IP6K1: variants seen among roughly 807,000 people sequenced by gnomAD.
IP6K1 encodes the protein ATP:1D-myo-inositol-hexakisphosphate phosphotransferase.
In IP6K1, 13 loss-of-function variants were observed where a neutral mutation model predicts 38.3. The observed-to-expected ratio is 0.34, with a 90% confidence interval of 0.22 to 0.54. The LOEUF (loss-of-function observed/expected upper bound fraction) is 0.54. Among genes scored for constraint, IP6K1 ranks in the 20% least tolerant of loss-of-function variants. The probability of loss-of-function intolerance (pLI) is 0.92; values close to 1 mark genes in which losing one functional copy is unlikely to be tolerated. For missense variants in IP6K1, 397 were observed against 599.8 expected (o/e 0.66, Z 3.53); for synonymous variants, 212 against 229.9 (o/e 0.92, Z 0.70).
intron 1 of IP6K1, among the ~76,000 whole-genome samples, chr3:49,764,900 A>G (rs1330255163): frequency 6.6e-6 from 1 of 151,936 alleles, no homozygotes; most frequent in Non-Finnish European, 1.5e-5. Context: ...AAGAATCCCA[A>G]TGAACCCAAA....
chr3:49,763,229 C>G (rs2080882119), intron 1 of IP6K1, among the ~76,000 whole-genome samples: 1 of 151,620 alleles, frequency 6.6e-6, no homozygotes, highest in Admixed American at 6.6e-5. Context: ...TAAGCCTCCC[C>G]AGCAGCTGGG....
intron 2 of IP6K1, among the ~76,000 whole-genome samples, chr3:49,746,612 T>C (rs1575312604): frequency 6.9e-6 from 1 of 145,450 alleles, no homozygotes; most frequent in South Asian, 2.2e-4. Flanking sequence ...GAGTTGGAGG[T>C]TGCAGTAAAC....
chr3:49,732,649 C>T (rs952611647), intron 4 of IP6K1, 142 bp downstream of exon 4: 9 of 607,670 alleles, frequency 1.5e-5, no homozygotes, highest in Admixed American at 6.9e-5. Context: ...TGAAAGTAAA[C>T]GAAGGAAGAG....
chr3:49,744,593 T>C (rs1411504126), intron 2 of IP6K1, among the ~76,000 whole-genome samples: 1 of 152,136 alleles, frequency 6.6e-6, no homozygotes, highest in African/African-American at 2.4e-5. Context: ...TTCTTTACTA[T>C]CTGTCACCAT....
intron 4 of IP6K1, among the ~76,000 whole-genome samples, chr3:49,731,887 C>CAAGAAAAAAAA: frequency 1.5e-5 from 1 of 65,342 alleles, no homozygotes; most frequent in Non-Finnish European, 2.9e-5. Flanking sequence ...GACTCTGTCT[C>CAAGAAAAAAAA]AAAAAAAAAA....
chr3:49,767,937 A>G lies in IP6K1; in HGVS notation c.-129+18417T>C, dbSNP rs190323019. Among the ~76,000 whole-genome samples, 3 of 152,254 alleles carry G rather than the reference A, an allele frequency of 2.0e-5. No homozygotes were observed. In the East Asian group the frequency reaches 5.8e-4, roughly 29 times the overall value. ...TTAGACATTTCTCTGAAGATTTACA[A>G]ATGGCCAAAAAATATGCAAAAAGAT... On this transcript the variant is annotated intron_variant, in intron 1 of 5. Coordinates refer to ENST00000321599, the MANE Select transcript of IP6K1 (RefSeq NM_153273.4).
At chr3:49,742,165 G>A (rs1050659536) in intron 2 of IP6K1, among the ~76,000 whole-genome samples, 11 of 152,210 alleles carry the variant, frequency 7.2e-5, no homozygotes, top group African/African-American at 1.9e-4. Context: ...CACTAGGAAA[G>A]AATAAATATG....
At position 49,772,223 on chromosome 3, in the gene IP6K1, A is replaced by AT. The variant is rs1186974017; in HGVS notation, c.-129+14130_-129+14131insA. On this transcript the variant is annotated intron_variant, in intron 1 of 5. Coordinates refer to ENST00000321599, the MANE Select transcript of IP6K1 (RefSeq NM_153273.4). ...ACAAGACCCTTTCCCTTAAAAAAAA[A>AT]AATATATATATATATATATGTGTGT... is the stretch of plus-strand genomic sequence containing the variant. 3.7e-3 allele frequency among the ~76,000 whole-genome samples: 515 copies of AT among 140,560 alleles called. 3 individuals are homozygous for AT. The highest frequency in any genetic ancestry group is 0.014 in the Middle Eastern group (4 of 276). 92.2% of individuals were successfully genotyped at this position (140,560 alleles called of 152,430 possible).
At chr3:49,777,562 C>CA (rs541344097) in intron 1 of IP6K1, among the ~76,000 whole-genome samples, 45 of 138,516 alleles carry the variant, frequency 3.2e-4, no homozygotes, top group Non-Finnish European at 4.2e-4. Flanking sequence ...GACTCTATCT[C>CA]AAAAAAAAAA....
intron 1 of IP6K1, among the ~76,000 whole-genome samples, chr3:49,764,349 T>C (rs1269828667): frequency 1.3e-5 from 2 of 149,390 alleles, no homozygotes; most frequent in Non-Finnish European, 3.0e-5. Context: ...ACCACTGCAC[T>C]GCAGCCTGGG....
chr3:49,755,465 G>T (rs547582828), intron 1 of IP6K1, among the ~76,000 whole-genome samples: 2 of 152,186 alleles, frequency 1.3e-5, no homozygotes, highest in East Asian at 3.9e-4. Flanking sequence ...AGTTAAACTT[G>T]GTAAGTCAGG....
chr3:49,754,958 T>A (rs2080809605), intron 1 of IP6K1, among the ~76,000 whole-genome samples: 1 of 150,068 alleles, frequency 6.7e-6, no homozygotes, highest in South Asian at 2.1e-4. Flanking sequence ...GGTCTCACAC[T>A]GTTGTCCAGA....
At chr3:49,771,370 T>G (rs2080958043) in intron 1 of IP6K1, among the ~76,000 whole-genome samples, 1 of 151,492 alleles carries the variant, frequency 6.6e-6, no homozygotes, top group Non-Finnish European at 1.5e-5. Flanking sequence ...AAAGCCAATT[T>G]TAAAAAAAAA....
intron 1 of IP6K1, among the ~76,000 whole-genome samples, chr3:49,781,065 A>C: frequency 6.8e-6 from 1 of 146,918 alleles, no homozygotes; most frequent in East Asian, 2.0e-4. Flanking sequence ...AACAAAAAAG[A>C]TTTTTTTTTT....
At chr3:49,779,306 C>T (rs371475808) in intron 1 of IP6K1, among the ~76,000 whole-genome samples, 12 of 152,226 alleles carry the variant, frequency 7.9e-5, no homozygotes, top group African/African-American at 2.9e-4. Flanking sequence ...TATCACACTT[C>T]GTTCCTTTTT....
chr3:49,732,768 T>C, intron 4 of IP6K1, 23 bp downstream of exon 4: 1 of 1,599,736 alleles, frequency 6.3e-7, no homozygotes, highest in East Asian at 2.2e-5. Flanking sequence ...TAGACACTCC[T>C]GAAGGAGGGG....
At position 49,748,183 on chromosome 3, in the gene IP6K1, A is replaced by G; in HGVS notation, c.-128-15T>C. 1.2e-6 allele frequency: 1 copy of G among 826,000 alleles called. No homozygotes were observed. Among genetic ancestry groups the G allele is most frequent in the Non-Finnish European group, 1.9e-6 (1 of 524,714 alleles). 51.2% of individuals were successfully genotyped at this position (826,000 alleles called of 1,614,324 possible). A position where few individuals can be genotyped will look rare whatever the true frequency, so the allele number is the denominator to read the frequency against. ...ATTATTCTGTCCTACAGAAAAGAAG[A>G]GAGGAAGAAGGAATCAAAACACTGG... is the stretch of plus-strand genomic sequence containing the variant. On this transcript the variant is annotated splice_polypyrimidine_tract_variant and intron_variant, in intron 1 of 5. Coordinates refer to ENST00000321599, the MANE Select transcript of IP6K1 (RefSeq NM_153273.4).
intron 3 of IP6K1, among the ~76,000 whole-genome samples, chr3:49,734,771 C>T (rs959436310): frequency 6.6e-6 from 1 of 152,148 alleles, no homozygotes; most frequent in Non-Finnish European, 1.5e-5. Context: ...GCCATGTAAA[C>T]CCAAAGAAGT....
intron 1 of IP6K1, among the ~76,000 whole-genome samples, chr3:49,760,303 C>T (rs1480832353): frequency 1.3e-5 from 2 of 152,130 alleles, no homozygotes; most frequent in Non-Finnish European, 2.9e-5. Context: ...TACGCAAACC[C>T]ATCAACAACT....
Sources: gnomAD v4.1 joint callset for allele counts (sites outside exome capture counted in the v4.1 genomes callset) on GRCh38, gnomAD v4.1.1 for gene constraint, MANE v1.5 for transcripts, NCBI Gene and HGNC (gene_info 2026-07-23, HGNC 2026-07-21) for gene names.